The following FHIT variants were observed in gnomAD, a reference collection of about 807,000 sequenced individuals.
FHIT encodes the protein fragile histidine triad diadenosine triphosphatase.
FHIT carries 19 observed loss-of-function variants against 17.9 expected under a neutral mutation model. The ratio of observed to expected loss-of-function variants is 1.06; its 90% confidence interval spans 0.74 to 1.56. The LOEUF (loss-of-function observed/expected upper bound fraction) is 1.56. Ranked by LOEUF, FHIT falls within the 40% of genes most tolerant of loss-of-function variation. FHIT has a pLI of 0.00. For synonymous variants in FHIT, 81 were observed against 69.7 expected, an observed-to-expected ratio of 1.16 and a Z score of -0.81; for missense variants, 248 against 189.2, an observed-to-expected ratio of 1.31 and a Z score of -1.82.
At chr3:60,355,021 A>T (rs554962313) in intron 5 of FHIT, among the ~76,000 whole-genome samples, 1 of 152,298 alleles carries the variant, frequency 6.6e-6, no homozygotes, top group Admixed American at 6.5e-5. Flanking sequence ...CTAAAACATA[A>T]ATCTTTTTAA....
At chr3:61,217,577 G>T (rs2106806921) in intron 1 of FHIT, among the ~76,000 whole-genome samples, 1 of 152,246 alleles carries the variant, frequency 6.6e-6, no homozygotes, top group East Asian at 1.9e-4. Context: ...CACTGGTCAG[G>T]TCAGTCACAA....
At chr3:61,021,616 A>G (rs2032440805) in intron 3 of FHIT, among the ~76,000 whole-genome samples, 2 of 150,550 alleles carry the variant, frequency 1.3e-5, no homozygotes, top group East Asian at 2.0e-4. Flanking sequence ...AAAAAAAAAA[A>G]AAAAAGAACA....
Position 61,003,145 on chromosome 3 carries a change from A to G in FHIT, c.-111+38902T>C, listed in dbSNP as rs905211376. ...TCTTAGGTTTTTATATAAATAATTT[A>G]TTGTCTATAAATTCTCCCAAGAGGA... On this transcript the variant is annotated intron_variant, in intron 3 of 9. Coordinates refer to ENST00000492590, the MANE Select transcript of FHIT (RefSeq NM_002012.4). 1.1e-4 allele frequency among the ~76,000 whole-genome samples: 16 copies of G among 152,168 alleles called. 1 individual carries two copies. The highest frequency in any genetic ancestry group is 3.6e-4 in the African/African-American group (15 of 41,444).
chr3:60,345,879 T>C (rs968782676), intron 5 of FHIT, among the ~76,000 whole-genome samples: 2 of 152,212 alleles, frequency 1.3e-5, no homozygotes, highest in Non-Finnish European at 2.9e-5. Context: ...TACACACAGA[T>C]GCATTCTATT....
intron 5 of FHIT, among the ~76,000 whole-genome samples, chr3:60,489,337 C>T (rs2033969878): frequency 6.6e-6 from 1 of 152,128 alleles, no homozygotes; most frequent in African/African-American, 2.4e-5. Context: ...TGTGTGTATA[C>T]TTTTTATTTC....
At chr3:60,644,943 T>C (rs1553686352) in intron 4 of FHIT, among the ~76,000 whole-genome samples, 2 of 152,190 alleles carry the variant, frequency 1.3e-5, no homozygotes, top group African/African-American at 4.8e-5. Flanking sequence ...AGCTTGGCTG[T>C]CTCTGGGCCT....
chr3:60,271,169 G>A (rs139180594), intron 5 of FHIT, among the ~76,000 whole-genome samples: 2 of 152,198 alleles, frequency 1.3e-5, no homozygotes, highest in Non-Finnish European at 2.9e-5. Flanking sequence ...GGAAACAAAG[G>A]TGGGCAGATC....
intron 2 of FHIT, among the ~76,000 whole-genome samples, chr3:61,174,529 G>A (rs2038100043): frequency 1.3e-5 from 2 of 152,146 alleles, no homozygotes; most frequent in African/African-American, 2.4e-5. Context: ...CTGGGCGGGG[G>A]GGACCTCATG....
intron 5 of FHIT, among the ~76,000 whole-genome samples, chr3:60,410,328 A>G (rs892004381): frequency 6.6e-6 from 1 of 152,192 alleles, no homozygotes; most frequent in Admixed American, 6.5e-5. Context: ...GGTACTAAAG[A>G]AAAGAAAGTC....
At chr3:60,521,504 C>T (rs903716023) in intron 5 of FHIT, among the ~76,000 whole-genome samples, 7 of 152,148 alleles carry the variant, frequency 4.6e-5, no homozygotes, top group Admixed American at 4.6e-4. Flanking sequence ...ACCTCGGCCT[C>T]CCAAAGTGCT....
At chr3:59,878,015 A>G (rs1317410515) in intron 8 of FHIT, among the ~76,000 whole-genome samples, 2 of 152,206 alleles carry the variant, frequency 1.3e-5, no homozygotes, top group Non-Finnish European at 2.9e-5. Context: ...GAATAAATGC[A>G]TATAGGCCAA....
chr3:61,003,349 A>C (rs1396119071), intron 3 of FHIT, among the ~76,000 whole-genome samples: 2 of 152,212 alleles, frequency 1.3e-5, no homozygotes, highest in Non-Finnish European at 2.9e-5. Context: ...AAGATAACTG[A>C]ATTCTTATTC....
intron 5 of FHIT, among the ~76,000 whole-genome samples, chr3:60,036,909 G>T (rs1701240568): frequency 6.6e-6 from 1 of 152,164 alleles, no homozygotes; most frequent in South Asian, 2.1e-4. Flanking sequence ...CCATCATTAG[G>T]AAATATCAGT....
intron 4 of FHIT, among the ~76,000 whole-genome samples, chr3:60,744,722 T>TC (rs1450212615): frequency 6.6e-6 from 1 of 152,224 alleles, no homozygotes; most frequent in Non-Finnish European, 1.5e-5. Flanking sequence ...CCTTCCTGCA[T>TC]CTGAATACAT....
At chr3:61,090,538 C>A (rs1472255094) in intron 2 of FHIT, among the ~76,000 whole-genome samples, 1 of 152,188 alleles carries the variant, frequency 6.6e-6, no homozygotes, top group Non-Finnish European at 1.5e-5. Context: ...TATCCAAATT[C>A]ACCACGGAGT....
chr3:61,046,959 C>A (rs2033819288), intron 2 of FHIT, among the ~76,000 whole-genome samples: 1 of 152,142 alleles, frequency 6.6e-6, no homozygotes, highest in South Asian at 2.1e-4. Flanking sequence ...ATGCTAAAAA[C>A]TCTCAATAAA....
chr3:60,732,641 G>T, intron 4 of FHIT: 1 of 446,926 alleles, frequency 2.2e-6, no homozygotes, highest in East Asian at 5.1e-5. Context: ...GACCATGGCT[G>T]ATAGTAGGGT....
intron 4 of FHIT, among the ~76,000 whole-genome samples, chr3:60,815,824 G>A (rs1701722167): frequency 1.3e-5 from 2 of 152,196 alleles, no homozygotes. Context: ...ATTTTGGGCA[G>A]TATGGCCACA....
In FHIT at chr3:61,213,770, A is replaced by C. The variant is rs1026406301; in HGVS notation, c.-212-13105T>G. On this transcript the variant is annotated intron_variant, in intron 1 of 9. Transcript: ENST00000492590. ...CATAGTTGGAAGTAAAGCTCTCCTG[A>C]GCAAATGTAAAAGAACAGAAATTAT... 9.2e-5 allele frequency among the ~76,000 whole-genome samples: 14 copies of C among 152,232 alleles called. 1 individual carries two copies. The highest frequency in any genetic ancestry group is 6.5e-4 in the Admixed American group (10 of 15,284).
Sources: allele counts gnomAD v4.1 joint callset (sites outside exome capture counted in the v4.1 genomes callset), GRCh38; gene constraint gnomAD v4.1.1; transcripts MANE v1.5; gene names NCBI Gene and HGNC (gene_info 2026-07-23, HGNC 2026-07-21).